Variants in HECW2 observed in about 807,000 individuals in gnomAD.
HECW2 encodes E3 ubiquitin-protein ligase HECW2.
Under a neutral mutation model 175.2 loss-of-function variants are expected in HECW2, and 61 were observed. The observed-to-expected ratio is 0.35, with a 90% confidence interval of 0.28 to 0.43. The LOEUF (loss-of-function observed/expected upper bound fraction) is 0.43. HECW2 is among the 20% of genes least tolerant of loss of function. HECW2 has a pLI of 1.00. For synonymous variants in HECW2, 671 were observed against 731.0 expected, an observed-to-expected ratio of 0.92 and a Z score of 1.32; for missense variants, 1,524 against 2,000.5, an observed-to-expected ratio of 0.76 and a Z score of 4.54.
intron 2 of HECW2, among the ~76,000 whole-genome samples, chr2:196,430,887 G>A (rs1406217): frequency 0.95 from 144,774 of 152,262 alleles, 68,903 homozygotes; most frequent in East Asian, 1. Flanking sequence ...TGAAGAAATA[G>A]TGGCCAACAT....
intron 3 of HECW2, among the ~76,000 whole-genome samples, chr2:196,335,994 C>T (rs949262308): frequency 2.0e-5 from 3 of 151,928 alleles, no homozygotes; most frequent in Admixed American, 6.6e-5. Context: ...GCATAGAGAG[C>T]GTAGAGAAGA....
At chr2:196,322,397 T>A in intron 7 of HECW2, 81 bp downstream of exon 7, 1 of 1,187,040 alleles carries the variant, frequency 8.4e-7, no homozygotes, top group East Asian at 2.4e-5. Context: ...GTATGAAAAG[T>A]CCTAGGACTA....
chr2:196,544,503 G>C (rs1689341855), intron 1 of HECW2, among the ~76,000 whole-genome samples: 1 of 152,144 alleles, frequency 6.6e-6, no homozygotes, highest in Non-Finnish European at 1.5e-5. Context: ...CAATCCAGTT[G>C]GGGGGCACTG....
Position 196,344,098 on chromosome 2 carries a change from C to A in HECW2, c.293-334G>T, listed in dbSNP as rs1692862093. The stretch of plus-strand genomic sequence containing the variant: ...ATAACAAAGGGGTTGGGTGTGCTCC[C>A]ATTTGTAAAACGCTTTTATAAAAAG... On this transcript the variant is annotated intron_variant, in intron 2 of 28. Coordinates refer to ENST00000644978, the MANE Select transcript of HECW2 (RefSeq NM_001348768.2). Among the ~76,000 whole-genome samples the A allele has an allele frequency of 2.6e-5, 4 of 152,124 alleles. No homozygotes were observed. The South Asian group carries it at 8.3e-4, about 32-fold the overall frequency.
chr2:196,295,557 C>T (rs1256370761), intron 13 of HECW2, among the ~76,000 whole-genome samples: 4 of 152,170 alleles, frequency 2.6e-5, no homozygotes, highest in South Asian at 2.1e-4. Context: ...ATAATTCTGT[C>T]GGATAAATCA....
chr2:196,435,702 G>C (rs1695848139), intron 1 of HECW2, among the ~76,000 whole-genome samples: 1 of 152,180 alleles, frequency 6.6e-6, no homozygotes, highest in Non-Finnish European at 1.5e-5. Flanking sequence ...CTGGATTTCG[G>C]TTATATCTTT....
chr2:196,315,715 G>C (rs1691670601), intron 10 of HECW2: 1 of 152,144 alleles, frequency 6.6e-6, no homozygotes, highest in African/African-American at 2.4e-5. Flanking sequence ...AATACATTGA[G>C]ATGTCACAAA....
At position 196,559,993 on chromosome 2, in the gene HECW2, G is replaced by A. The variant is rs79484715; in HGVS notation, c.-36+33515C>T. Among the ~76,000 whole-genome samples, 1,107 of 152,154 alleles carry A rather than the reference G, an allele frequency of 7.3e-3. 6 individuals carry two copies. The highest frequency in any genetic ancestry group is 0.011 in the Non-Finnish European group (760 of 68,004). ...TACCAGTTCACTTGCAGAGAGGGAC[G>A]GTCCCATGAAAATGATTTCCAGAGC... On this transcript the variant is annotated intron_variant, in intron 1 of 28. Transcript: ENST00000644978.
chr2:196,478,054 AAAAC>A (rs1215852974), intron 1 of HECW2, among the ~76,000 whole-genome samples: 3 of 152,202 alleles, frequency 2.0e-5, no homozygotes, highest in East Asian at 1.9e-4. Context: ...TCTGTCTCAA[AAAAC>A]AAACAAACAT....
chr2:196,500,482 T>C (rs1055243847), intron 1 of HECW2, among the ~76,000 whole-genome samples: 3 of 152,092 alleles, frequency 2.0e-5, no homozygotes, highest in Admixed American at 2.0e-4. Flanking sequence ...AAAGAGTAAA[T>C]GCTAAGTAAT....
chr2:196,441,215 C>T (rs1385068008), intron 1 of HECW2, among the ~76,000 whole-genome samples: 3 of 152,126 alleles, frequency 2.0e-5, no homozygotes, highest in Admixed American at 2.0e-4. Context: ...ACCTGAAGGG[C>T]AGGTACTGAA....
At chr2:196,309,092 C>A (rs1242522457) in intron 10 of HECW2, among the ~76,000 whole-genome samples, 2 of 152,142 alleles carry the variant, frequency 1.3e-5, no homozygotes, top group African/African-American at 4.8e-5. Flanking sequence ...TGGGGCTAAT[C>A]CTGGAGACCA....
chr2:196,310,410 T>C (rs1227949366), intron 10 of HECW2, among the ~76,000 whole-genome samples: 2 of 152,224 alleles, frequency 1.3e-5, no homozygotes, highest in Non-Finnish European at 2.9e-5. Flanking sequence ...GTTATGCTAT[T>C]GGTTTATCCA....
At chr2:196,229,089 A>G (rs1204773157) in intron 21 of HECW2, among the ~76,000 whole-genome samples, 1 of 152,230 alleles carries the variant, frequency 6.6e-6, no homozygotes, top group Non-Finnish European at 1.5e-5. Context: ...GATGTGCTAA[A>G]TTTAAAATGA....
intron 26 of HECW2, 59 bp from the exon 27 acceptor site, chr2:196,217,152 G>T (rs2105806110): frequency 8.2e-7 from 1 of 1,222,326 alleles, no homozygotes; most frequent in Non-Finnish European, 1.2e-6. Context: ...AAGCCACCAA[G>T]ATACGTGACA....
At chr2:196,458,058 C>T (rs1696583445) in intron 1 of HECW2, among the ~76,000 whole-genome samples, 1 of 151,976 alleles carries the variant, frequency 6.6e-6, no homozygotes, top group Non-Finnish European at 1.5e-5. Flanking sequence ...CTGCTTGAGC[C>T]CAGGAGTTCG....
At chr2:196,231,437 T>C (rs549375341) in intron 21 of HECW2, among the ~76,000 whole-genome samples, 9 of 152,306 alleles carry the variant, frequency 5.9e-5, no homozygotes, top group African/African-American at 2.2e-4. Context: ...ATACTGCTAA[T>C]AGAGTAGCGG....
intron 1 of HECW2, among the ~76,000 whole-genome samples, chr2:196,460,776 ATTTTTTTTTTTTTTTTTT>A (rs201916150): frequency 0.27 from 31,003 of 116,512 alleles, 3,862 homozygotes; most frequent in African/African-American, 0.37. Flanking sequence ...ACACCTGGCA[ATTTTTTTTTTTTTTTTTT>A]TTTTTTTTTT....
intron 14 of HECW2, among the ~76,000 whole-genome samples, chr2:196,279,360 C>T (rs1056283811): frequency 6.6e-6 from 1 of 152,118 alleles, no homozygotes; most frequent in Non-Finnish European, 1.5e-5. Context: ...AACTTTTAAA[C>T]ATCATTGACT....
Sources: allele counts gnomAD v4.1 joint callset (sites outside exome capture counted in the v4.1 genomes callset), GRCh38; gene constraint gnomAD v4.1.1; transcripts MANE v1.5; gene names NCBI Gene and HGNC (gene_info 2026-07-23, HGNC 2026-07-21).